The following TMEM232 variants were observed in gnomAD, a reference collection of about 807,000 sequenced individuals.
The protein encoded by TMEM232 is transmembrane protein 232.
Under a neutral mutation model 78.8 loss-of-function variants are expected in TMEM232, and 80 were observed. That is an observed-to-expected ratio of 1.01 (90% confidence interval 0.85 to 1.22). TMEM232 has a LOEUF of 1.22. Among genes scored for constraint, TMEM232 ranks in the 50% most tolerant of loss-of-function variants. TMEM232 has a pLI of 0.00. For synonymous variants in TMEM232, 297 were observed against 254.3 expected (o/e 1.17, Z -1.60); for missense variants, 881 against 742.2 (o/e 1.19, Z -2.17).
At chr5:110,550,361 C>A (rs1355620601) in intron 11 of TMEM232, among the ~76,000 whole-genome samples, 1 of 152,062 alleles carries the variant, frequency 6.6e-6, no homozygotes, top group Non-Finnish European at 1.5e-5. Flanking sequence ...TTATGAGACT[C>A]ACGTAAAACA....
At position 110,699,284 on chromosome 5, in the gene TMEM232, T is replaced by C. The variant is rs559010662; in HGVS notation, c.-13+27343A>G. Among the ~76,000 whole-genome samples, 38 of 152,056 alleles carry C rather than the reference T, an allele frequency of 2.5e-4. No individual in the cohort carries two copies. In the South Asian group the frequency reaches 3.3e-3, roughly 13 times the overall value. ...TACACCTTTGACCTTAAATACATCCTTGACTTGGTGTAGACAAAGGAGAGA... is the reference window on the plus strand; with the variant it reads ...TACACCTTTGACCTTAAATACATCCCTGACTTGGTGTAGACAAAGGAGAGA... On this transcript the variant is annotated intron_variant, in intron 1 of 13. Transcript: ENST00000455884.
downstream of TMEM232, chr5:110,417,669 AG>A (rs1427147300): frequency 6.7e-6 from 1 of 149,136 alleles, no homozygotes; most frequent in Admixed American, 6.7e-5. Context: ...GCAGAAAACA[AG>A]GCCAAAGATG....
chr5:110,721,338 C>A (rs1400581441), intron 1 of TMEM232, among the ~76,000 whole-genome samples: 2 of 151,772 alleles, frequency 1.3e-5, no homozygotes, highest in South Asian at 2.1e-4. Context: ...GCTTTTTGTG[C>A]GTCTTTTAAG....
intron 2 of TMEM232, chr5:110,666,569 G>C (rs1243108096): frequency 6.6e-6 from 1 of 152,024 alleles, no homozygotes; most frequent in Non-Finnish European, 1.5e-5. Flanking sequence ...TGACCATTTA[G>C]ATGCACTGAC....
chr5:110,688,537 A>T (rs1461608766), intron 1 of TMEM232, among the ~76,000 whole-genome samples: 2 of 152,118 alleles, frequency 1.3e-5, no homozygotes, highest in Admixed American at 6.5e-5. Context: ...GCCTTAGGAG[A>T]CAGGACCCCA....
intron 12 of TMEM232, among the ~76,000 whole-genome samples, chr5:110,452,742 A>C (rs1160161089): frequency 6.6e-6 from 1 of 152,216 alleles, no homozygotes; most frequent in African/African-American, 2.4e-5. Context: ...TAGTGTTTTT[A>C]TTATCCACAT....
chr5:110,587,677 ATATATATATATATATGTGTGTG>A lies in TMEM232; in HGVS notation c.1276+17410_1276+17431del, dbSNP rs1202228477. Among the ~76,000 whole-genome samples, 539 of 96,602 alleles carry A rather than the reference ATATATATATATATATGTGTGTG, an allele frequency of 5.6e-3. 3 individuals are homozygous for A. Among genetic ancestry groups the A allele is most frequent in the African/African-American group, 0.026 (518 of 19,724 alleles). The allele number at this position is 96,602 out of a possible 152,430, so 63.4% of individuals were successfully genotyped here. ...GGTACATGTATGTATATATATATAT[ATATATATATATATATGTGTGTG>A]TGTGTGTGTGTGTGTGTGTGTGTGT... On this transcript the variant is annotated intron_variant, in intron 10 of 13. Transcript: ENST00000455884.
chr5:110,405,679 C>G (rs1248651089), intron 2 of TMEM232, among the ~76,000 whole-genome samples: 3 of 145,572 alleles, frequency 2.1e-5, no homozygotes, highest in Admixed American at 1.4e-4. Flanking sequence ...AAGAAAGATT[C>G]AATGAACTCA....
At chr5:110,571,287 T>C (rs1776910580) in intron 10 of TMEM232, among the ~76,000 whole-genome samples, 1 of 152,056 alleles carries the variant, frequency 6.6e-6, no homozygotes, top group South Asian at 2.1e-4. Flanking sequence ...ATCTAATTTA[T>C]AAAAATCTGT....
chr5:110,485,325 A>G lies in TMEM232; in HGVS notation c.1703+43263T>C, dbSNP rs80042844. Among the ~76,000 whole-genome samples, 883 of 152,246 alleles carry G rather than the reference A, an allele frequency of 5.8e-3. 6 individuals carry two copies. Among genetic ancestry groups the G allele is most frequent in the Non-Finnish European group, 9.3e-3 (635 of 68,010 alleles). ...TCTTCTCAAGTGCTTTATTTTTTCCATAAGTTATTGGTGTACAGGTGGTAT... is the reference window on the plus strand; with the variant it reads ...TCTTCTCAAGTGCTTTATTTTTTCCGTAAGTTATTGGTGTACAGGTGGTAT... On this transcript the variant is annotated intron_variant, in intron 12 of 13. Coordinates refer to ENST00000455884, the MANE Select transcript of TMEM232 (RefSeq NM_001039763.4).
At chr5:110,398,128 A>G (rs560973043) in intron 2 of TMEM232, among the ~76,000 whole-genome samples, 1 of 152,250 alleles carries the variant, frequency 6.6e-6, no homozygotes, top group Admixed American at 6.5e-5. Context: ...CTCCCTTTTT[A>G]TCTACCCACT....
intron 12 of TMEM232, among the ~76,000 whole-genome samples, chr5:110,443,823 CTTCCT>C (rs948265393): frequency 2.6e-5 from 4 of 152,158 alleles, no homozygotes; most frequent in African/African-American, 9.7e-5. Context: ...GGACTGGGTC[CTTCCT>C]TTCAAGGCAG....
At chr5:110,643,368 G>A (rs1401399837) in intron 2 of TMEM232, among the ~76,000 whole-genome samples, 3 of 152,112 alleles carry the variant, frequency 2.0e-5, no homozygotes, top group South Asian at 2.1e-4. Flanking sequence ...ACCAATATTC[G>A]AGTCATCAGC....
intron 12 of TMEM232, among the ~76,000 whole-genome samples, chr5:110,430,354 T>TC (rs1405861197): frequency 2.7e-5 from 4 of 150,472 alleles, no homozygotes; most frequent in Admixed American, 6.6e-5. Flanking sequence ...CTTAGACGTT[T>TC]CCTTTTTTTT....
chr5:110,716,938 C>A (rs991423886), intron 1 of TMEM232, among the ~76,000 whole-genome samples: 3 of 152,172 alleles, frequency 2.0e-5, no homozygotes, highest in Non-Finnish European at 2.9e-5. Context: ...TTACAAAAAG[C>A]CAATGCACAC....
At chr5:110,389,017 T>C (rs1755083123) in intron 4 of TMEM232, among the ~76,000 whole-genome samples, 1 of 152,066 alleles carries the variant, frequency 6.6e-6, no homozygotes, top group Non-Finnish European at 1.5e-5. Flanking sequence ...TCCCAGCACT[T>C]TGGGAAGCCG....
chr5:110,687,373 GA>G (rs1793548172), intron 1 of TMEM232, among the ~76,000 whole-genome samples: 1 of 152,056 alleles, frequency 6.6e-6, no homozygotes, highest in Non-Finnish European at 1.5e-5. Flanking sequence ...CCTCAAATCT[GA>G]CCCAAATAAA....
At chr5:110,562,743 T>C (rs1472715926) in intron 11 of TMEM232, among the ~76,000 whole-genome samples, 1 of 152,062 alleles carries the variant, frequency 6.6e-6, no homozygotes, top group East Asian at 1.9e-4. Context: ...AAATAATAAA[T>C]ATTTATTTCA....
intron 12 of TMEM232, among the ~76,000 whole-genome samples, chr5:110,506,133 CAG>C (rs1766867289): frequency 6.6e-6 from 1 of 152,134 alleles, no homozygotes; most frequent in Non-Finnish European, 1.5e-5. Context: ...TCTGTGGTAC[CAG>C]TTACACAAAA....
Sources: allele counts gnomAD v4.1 joint callset (sites outside exome capture counted in the v4.1 genomes callset), GRCh38; gene constraint gnomAD v4.1.1; transcripts MANE v1.5; gene names NCBI Gene and HGNC (gene_info 2026-07-23, HGNC 2026-07-21).